Variants in MAK16 observed in about 807,000 individuals in gnomAD.
MAK16 encodes the protein MAK16 homolog.
Under a neutral mutation model 49.9 loss-of-function variants are expected in MAK16, and 12 were observed. That is an observed-to-expected ratio of 0.24 (90% CI 0.15 to 0.39). The LOEUF is 0.39. Among genes scored for constraint, MAK16 ranks in the 10% least tolerant of loss-of-function variants. MAK16 has a pLI of 1.00. For missense variants in MAK16, 292 were observed against 363.7 expected, an observed-to-expected ratio of 0.80 and a Z score of 1.60; for synonymous variants, 115 against 126.4, an observed-to-expected ratio of 0.91 and a Z score of 0.60.
intron 1 of MAK16, among the ~76,000 whole-genome samples, chr8:33,487,210 A>G (rs1307161994): frequency 6.6e-6 from 1 of 152,176 alleles, no homozygotes; most frequent in Non-Finnish European, 1.5e-5. Context: ...TAGATAGACG[A>G]AACTCTTTAA....
intron 8 of MAK16, 76 bp from the exon 9 acceptor site, chr8:33,497,156 A>G (rs1156552857): frequency 9.2e-7 from 1 of 1,090,734 alleles, no homozygotes; most frequent in Non-Finnish European, 1.4e-6. Flanking sequence ...TCATTATGTT[A>G]TTTTGTACTT....
intron 1 of MAK16, among the ~76,000 whole-genome samples, chr8:33,487,780 T>C (rs2128823318): frequency 6.6e-6 from 1 of 152,284 alleles, no homozygotes; most frequent in South Asian, 2.1e-4. Flanking sequence ...TTACGAAGTA[T>C]ATAAAATGTG....
chr8:33,498,992 G>A lies in MAK16; in HGVS notation c.*363G>A. ...CAAACTTTATTTAGAAATGGAAGGA[G>A]TTCAATTTTTTCTTGTTCTACTTTC... On this transcript the variant is annotated 3_prime_UTR_variant, in exon 10 of 10. Transcript: ENST00000360128. The A allele has an allele frequency of 1.6e-6, 1 of 614,918 alleles. No homozygotes were observed. The highest frequency in any genetic ancestry group is 2.8e-6 in the Non-Finnish European group (1 of 351,290). 38.1% of individuals were successfully genotyped at this position (614,918 alleles called of 1,614,324 possible). A position where few individuals can be genotyped will look rare whatever the true frequency, so the allele number is the denominator to read the frequency against.
chr8:33,486,987 T>C (rs977660576), intron 1 of MAK16, among the ~76,000 whole-genome samples: 4 of 152,216 alleles, frequency 2.6e-5, no homozygotes, highest in Admixed American at 1.3e-4. Context: ...CTTACCTGTT[T>C]CCTACCATCC....
Position 33,499,804 on chromosome 8 carries a change from A to G in MAK16, c.*1175A>G, listed in dbSNP as rs1808998496. On this transcript the variant is annotated 3_prime_UTR_variant, in exon 10 of 10. Transcript: ENST00000360128. Reference sequence around the variant, plus strand: ...TAGTTTATTAAATACATAGAAGTACACAGCTATTATATGCTGTGGCTTTGA... The same window carrying G: ...TAGTTTATTAAATACATAGAAGTACGCAGCTATTATATGCTGTGGCTTTGA... The G allele has an allele frequency of 6.2e-6, 1 of 160,874 alleles. No homozygotes were observed. The highest frequency in any genetic ancestry group is 1.4e-5 in the Non-Finnish European group (1 of 73,512). The allele number at this position is 160,874 out of a possible 1,614,324, so 10.0% of individuals were successfully genotyped here.
intron 7 of MAK16, among the ~76,000 whole-genome samples, chr8:33,496,095 CT>C (rs1337148507): frequency 6.6e-6 from 1 of 152,096 alleles, no homozygotes; most frequent in African/African-American, 2.4e-5. Context: ...TTTGGTTACC[CT>C]TGATACTCCA....
chr8:33,490,043 T>C (rs1243298605), intron 5 of MAK16, among the ~76,000 whole-genome samples: 3 of 152,188 alleles, frequency 2.0e-5, no homozygotes, highest in Non-Finnish European at 2.9e-5. Context: ...TTTTATAGTA[T>C]TAAATTTCTA....
At chr8:33,485,503 TGCTGTCAGCTGTCA>T in intron 1 of MAK16, 1 of 433,854 alleles carries the variant, frequency 2.3e-6, no homozygotes, top group South Asian at 3.2e-5. Context: ...CGTCGCGTCA[TGCTGTCAGCTGTCA>T]GCTGTCAGCT....
intron 6 of MAK16, among the ~76,000 whole-genome samples, chr8:33,492,099 T>G (rs1218006551): frequency 2.6e-5 from 4 of 151,866 alleles, no homozygotes; most frequent in Non-Finnish European, 5.9e-5. Context: ...AACCTCTGCC[T>G]CCCAGGTTCA....
chr8:33,493,499 G>A (rs1808809599), intron 6 of MAK16, among the ~76,000 whole-genome samples: 1 of 152,172 alleles, frequency 6.6e-6, no homozygotes, highest in South Asian at 2.1e-4. Flanking sequence ...TAATTGTGAT[G>A]TAGTGAAACA....
In MAK16 at chr8:33,495,834, A is replaced by G. The variant is rs532415723; in HGVS notation, c.522+218A>G. On this transcript the variant is annotated intron_variant, in intron 7 of 9. Transcript: ENST00000360128. ...CAAGTTCAAGCAATTCTCCTGCCTC[A>G]GCCTCCTGAGTAGTTGGGATTACAG... Among the ~76,000 whole-genome samples, 4 of 151,206 alleles carry G rather than the reference A, an allele frequency of 2.6e-5. No individual in the cohort carries two copies. The South Asian group carries it at 8.4e-4, about 32-fold the overall frequency.
rs775481621 is a variant in MAK16, at chr8:33,488,834, C to T, written c.240+36C>T. Reference sequence around the variant, plus strand: ...CAACAAAACTACAGTGACCGCTGATCAAGAGCATCAAAGCCACATGCTTGA... The same window carrying T: ...CAACAAAACTACAGTGACCGCTGATTAAGAGCATCAAAGCCACATGCTTGA... On this transcript the variant is annotated intron_variant, in intron 4 of 9. Transcript: ENST00000360128. 3.7e-6 allele frequency: 6 copies of T among 1,610,994 alleles called. No individual in the cohort carries two copies. In the South Asian group the frequency reaches 5.5e-5, roughly 15 times the overall value.
chr8:33,498,368 G>T (rs2676419), intron 9 of MAK16, 64 bp from the exon 10 acceptor site: 903,065 of 1,442,360 alleles, frequency 0.63, 285,331 homozygotes, highest in African/African-American at 0.68. Flanking sequence ...GAGGGGACAA[G>T]GAAGGGAGTT....
chr8:33,497,436 G>C, intron 9 of MAK16, 139 bp downstream of exon 9: 1 of 624,154 alleles, frequency 1.6e-6, no homozygotes, highest in Non-Finnish European at 2.9e-6. Flanking sequence ...AGGATTGTTT[G>C]AGCTCAGGAG....
chr8:33,499,786 T>C lies in MAK16; in HGVS notation c.*1157T>C, dbSNP rs998493722. 4 of 161,928 alleles carry C rather than the reference T, an allele frequency of 2.5e-5. No individual in the cohort carries two copies. Among genetic ancestry groups the C allele is most frequent in the African/African-American group, 9.6e-5 (4 of 41,486 alleles). 10.0% of individuals were successfully genotyped at this position (161,928 alleles called of 1,614,324 possible). The stretch of plus-strand genomic sequence containing the variant: ...GGGTAAGAAATGAGGCAGTAGTTTA[T>C]TAAATACATAGAAGTACACAGCTAT... On this transcript the variant is annotated 3_prime_UTR_variant, in exon 10 of 10. Transcript: ENST00000360128.
Position 33,499,034 on chromosome 8 carries a change from TAAAAG to T in MAK16, c.*406_*410del. ...TCTACTTTCCCTATTCTTATGGAGG[TAAAAG>T]GAAAGGAAGGAAGGAAAAAGCAGCT... On this transcript the variant is annotated 3_prime_UTR_variant, in exon 10 of 10. Transcript: ENST00000360128. 2.9e-6 allele frequency: 2 copies of T among 680,960 alleles called. No homozygotes were observed. The highest frequency in any genetic ancestry group is 1.6e-5 in the South Asian group (1 of 61,654). 42.2% of individuals were successfully genotyped at this position (680,960 alleles called of 1,614,324 possible).
intron 1 of MAK16, among the ~76,000 whole-genome samples, chr8:33,487,425 A>AG (rs1563345551): frequency 8.2e-6 from 1 of 122,428 alleles, no homozygotes; most frequent in Non-Finnish European, 1.7e-5. Flanking sequence ...AATACCATGA[A>AG]GCCTTTTTTT....
At position 33,498,703 on chromosome 8, in the gene MAK16, A is replaced by G; in HGVS notation, c.*74A>G. The stretch of plus-strand genomic sequence containing the variant: ...TTTTTTTTTTTTATCTTAAACACAT[A>G]CACACCTCCAGTTTTTGCTCTTTTG... On this transcript the variant is annotated 3_prime_UTR_variant, in exon 10 of 10. Transcript: ENST00000360128. The G allele has an allele frequency of 7.9e-7, 1 of 1,258,756 alleles. No individual in the cohort carries two copies. Among genetic ancestry groups the G allele is most frequent in the Non-Finnish European group, 1.1e-6 (1 of 901,636 alleles). The allele number at this position is 1,258,756 out of a possible 1,614,324, so 78.0% of individuals were successfully genotyped here. A position where few individuals can be genotyped will look rare whatever the true frequency, so the allele number is the denominator to read the frequency against.
chr8:33,496,473 G>T, intron 7 of MAK16, 152 bp from the exon 8 acceptor site: 1 of 485,866 alleles, frequency 2.1e-6, no homozygotes, highest in South Asian at 3.4e-5. Context: ...GCTTTTTTAA[G>T]ACACTGCTGG....
Sources: gnomAD v4.1 joint callset for allele counts (sites outside exome capture counted in the v4.1 genomes callset) on GRCh38, gnomAD v4.1.1 for gene constraint, MANE v1.5 for transcripts, NCBI Gene and HGNC (gene_info 2026-07-23, HGNC 2026-07-21) for gene names.